Variants in CREB3L2 observed in about 807,000 individuals in gnomAD.
The protein encoded by CREB3L2 is cyclic AMP-responsive element-binding protein 3-like protein 2.
A neutral mutation model predicts 57.2 loss-of-function variants in CREB3L2; 23 were observed. The observed-to-expected ratio is 0.40, with a 90% CI of 0.29 to 0.57. CREB3L2 has a LOEUF of 0.57. Among genes scored for constraint, CREB3L2 ranks in the 20% least tolerant of loss-of-function variants. CREB3L2 has a pLI of 0.42. For synonymous variants in CREB3L2, 268 were observed against 265.1 expected (o/e 1.01, Z -0.11); for missense variants, 628 against 634.7 (o/e 0.99, Z 0.11).
chr7:137,973,856 A>G (rs962311540), intron 1 of CREB3L2, among the ~76,000 whole-genome samples: 1 of 152,192 alleles, frequency 6.6e-6, no homozygotes. Flanking sequence ...AAGATTTCCA[A>G]CAACCTGAAA....
chr7:137,968,826 A>C (rs556061540), intron 1 of CREB3L2, among the ~76,000 whole-genome samples: 2 of 152,342 alleles, frequency 1.3e-5, no homozygotes, highest in Admixed American at 1.3e-4. Context: ...TCCCACCTTC[A>C]ACCCCATTGA....
At chr7:137,923,371 G>T in intron 2 of CREB3L2, among the ~76,000 whole-genome samples, 1 of 152,180 alleles carries the variant, frequency 6.6e-6, no homozygotes, top group South Asian at 2.1e-4. Context: ...AAAATAGCGT[G>T]TATTACAAAC....
intron 2 of CREB3L2, among the ~76,000 whole-genome samples, chr7:137,927,775 A>G (rs1800506260): frequency 3.5e-5 from 4 of 115,026 alleles, no homozygotes; most frequent in South Asian, 3.0e-4. Flanking sequence ...ATAGAGGAAT[A>G]GTTCTTTCTC....
chr7:137,940,527 T>C (rs746333332), intron 1 of CREB3L2, among the ~76,000 whole-genome samples: 1 of 147,070 alleles, frequency 6.8e-6, no homozygotes, highest in African/African-American at 2.5e-5. Flanking sequence ...AATCAAAGAG[T>C]TGAGAACTGA....
In CREB3L2 at chr7:137,875,911, C is replaced by A. The variant is rs1799139454; in HGVS notation, c.*4565G>T. The A allele has an allele frequency of 4.4e-6, 1 of 225,602 alleles. No individual in the cohort carries two copies. The highest frequency in any genetic ancestry group is 8.8e-6 in the Non-Finnish European group (1 of 113,456). The allele number at this position is 225,602 out of a possible 1,614,324, so 14.0% of individuals were successfully genotyped here. A position where few individuals can be genotyped will look rare whatever the true frequency, so the allele number is the denominator to read the frequency against. On this transcript the variant is annotated 3_prime_UTR_variant, in exon 12 of 12. Coordinates refer to ENST00000330387, the MANE Select transcript of CREB3L2 (RefSeq NM_194071.4). ...TTTTATGTTGTCCAAAATAACAAAA[C>A]AAAACAACACCTAGTTTTTTCCTGT...
At chr7:137,908,942 C>CA (rs1021139538) in intron 4 of CREB3L2, among the ~76,000 whole-genome samples, 6 of 151,788 alleles carry the variant, frequency 4.0e-5, no homozygotes, top group African/African-American at 7.3e-5. Context: ...TGCTAAAATA[C>CA]AAAAAAAATT....
At chr7:137,956,324 A>C (rs529546997) in intron 1 of CREB3L2, among the ~76,000 whole-genome samples, 1 of 152,228 alleles carries the variant, frequency 6.6e-6, no homozygotes, top group Non-Finnish European at 1.5e-5. Context: ...TGTTTAGTCA[A>C]TTTACTTTAG....
intron 1 of CREB3L2, among the ~76,000 whole-genome samples, chr7:137,933,356 G>A (rs1484612463): frequency 6.6e-6 from 1 of 152,166 alleles, no homozygotes; most frequent in Non-Finnish European, 1.5e-5. Context: ...CCGAGGCAAC[G>A]CTCTCTTTGA....
chr7:137,950,853 C>CT (rs1198664579), intron 1 of CREB3L2, among the ~76,000 whole-genome samples: 1 of 152,168 alleles, frequency 6.6e-6, no homozygotes, highest in Middle Eastern at 3.2e-3. Flanking sequence ...GAGGCTTTCC[C>CT]TAGTTTCAAG....
chr7:137,964,303 C>T (rs537570696), intron 1 of CREB3L2, among the ~76,000 whole-genome samples: 1 of 152,138 alleles, frequency 6.6e-6, no homozygotes, highest in East Asian at 1.9e-4. Flanking sequence ...GGGACACGAG[C>T]GAGACTTCCT....
chr7:137,975,545 G>A (rs796608373), intron 1 of CREB3L2, among the ~76,000 whole-genome samples: 4 of 152,210 alleles, frequency 2.6e-5, no homozygotes, highest in African/African-American at 9.6e-5. Flanking sequence ...CTTCTTAAAA[G>A]CTTTAGAAAG....
intron 4 of CREB3L2, 74 bp downstream of exon 4, chr7:137,912,917 C>T (rs1349546747): frequency 6.3e-7 from 1 of 1,590,786 alleles, no homozygotes; most frequent in African/African-American, 1.3e-5. Context: ...TCCCAGCTCT[C>T]TCGCCATATT....
intron 1 of CREB3L2, among the ~76,000 whole-genome samples, chr7:137,940,220 C>T (rs1311047769): frequency 6.6e-6 from 1 of 152,192 alleles, no homozygotes; most frequent in Non-Finnish European, 1.5e-5. Flanking sequence ...TCCCCATTCC[C>T]TCTCCCACAG....
chr7:137,916,799 C>G (rs572469925), intron 2 of CREB3L2, among the ~76,000 whole-genome samples: 5 of 151,584 alleles, frequency 3.3e-5, no homozygotes, highest in East Asian at 1.9e-4. Flanking sequence ...AGAGCGAGAG[C>G]GAGAGCGAGT....
intron 1 of CREB3L2, among the ~76,000 whole-genome samples, chr7:137,977,408 G>A (rs908949335): frequency 5.3e-5 from 8 of 152,250 alleles, no homozygotes; most frequent in Middle Eastern, 6.8e-3. Context: ...TAAGACTGTG[G>A]GGACAGTTAA....
chr7:137,929,152 A>C (rs1800551016), intron 1 of CREB3L2, among the ~76,000 whole-genome samples: 1 of 152,092 alleles, frequency 6.6e-6, no homozygotes, highest in South Asian at 2.1e-4. Flanking sequence ...TAATACCATG[A>C]ACTTTCCAGC....
At position 137,880,137 on chromosome 7, in the gene CREB3L2, G is replaced by C; in HGVS notation, c.*339C>G. 5.5e-6 allele frequency: 2 copies of C among 363,616 alleles called. No individual in the cohort carries two copies. The highest frequency in any genetic ancestry group is 8.0e-5 in the South Asian group (2 of 24,948). The allele number at this position is 363,616 out of a possible 1,614,324, so 22.5% of individuals were successfully genotyped here. A position where few individuals can be genotyped will look rare whatever the true frequency, so the allele number is the denominator to read the frequency against. ...AGAGCCATCTCGTCTCCAAAGCGGG[G>C]GGTTACACCTCACAGGTGCACATTA... On this transcript the variant is annotated 3_prime_UTR_variant, in exon 12 of 12. Coordinates refer to ENST00000330387, the MANE Select transcript of CREB3L2 (RefSeq NM_194071.4). This position sits in a 1 kb window ranked among gnomAD's most constrained non-coding sequence, Gnocchi z 4.0.
chr7:137,876,331 CGTGT>C lies in CREB3L2; in HGVS notation c.*4141_*4144del, dbSNP rs10534110. On this transcript the variant is annotated 3_prime_UTR_variant, in exon 12 of 12. Coordinates refer to ENST00000330387, the MANE Select transcript of CREB3L2 (RefSeq NM_194071.4). ...TGAGCATGTAAGGGAGGAATGTGCA[CGTGT>C]GTGTGTGTGTGTGTGTGTGTGTGTG... 13,825 of 217,970 alleles carry C rather than the reference CGTGT, an allele frequency of 0.063. 26 individuals carry two copies. The highest frequency in any genetic ancestry group is 0.092 in the Middle Eastern group (66 of 720). 13.5% of individuals were successfully genotyped at this position (217,970 alleles called of 1,614,324 possible).
chr7:137,993,478 A>G (rs1000512931), intron 1 of CREB3L2, among the ~76,000 whole-genome samples: 6 of 152,208 alleles, frequency 3.9e-5, no homozygotes. Flanking sequence ...TCACATTTGC[A>G]AAACCGTTTA....
Sources: gnomAD v4.1 joint callset for allele counts (sites outside exome capture counted in the v4.1 genomes callset) on GRCh38, gnomAD v4.1.1 for gene constraint, Gnocchi (gnomAD v3.1) non-coding constraint, MANE v1.5 for transcripts, NCBI Gene and HGNC (gene_info 2026-07-23, HGNC 2026-07-21) for gene names.